Variants in AGXT observed in about 807,000 individuals in gnomAD.
The protein encoded by AGXT is L-alanine: glyoxylate aminotransferase 1.
A neutral mutation model predicts 46.9 loss-of-function variants in AGXT; 41 were observed. That is an observed-to-expected ratio of 0.88 (90% CI 0.68 to 1.14). The LOEUF (loss-of-function observed/expected upper bound fraction) is 1.14. Ranked by LOEUF, AGXT falls within the 50% of genes most tolerant of loss-of-function variation. The probability of loss-of-function intolerance (pLI) is 0.00; values close to 1 mark genes in which losing one functional copy is unlikely to be tolerated. For missense variants in AGXT, 525 were observed against 522.7 expected, an observed-to-expected ratio of 1.00 and a Z score of -0.04; for synonymous variants, 244 against 227.9, an observed-to-expected ratio of 1.07 and a Z score of -0.64.
chr2:240,878,921 G>A lies in AGXT; in HGVS notation c.*100G>A, dbSNP rs1158349064. ...ACCCTGCAAGGTCCTCCAGGCCTGG[G>A]GACAGGAAAGCCACTGACCCAGCCC... On this transcript the variant is annotated 3_prime_UTR_variant, in exon 11 of 11. Coordinates refer to ENST00000307503, the MANE Select transcript of AGXT (RefSeq NM_000030.3). 2 of 1,273,262 alleles carry A rather than the reference G, an allele frequency of 1.6e-6. No individual in the cohort carries two copies. The highest frequency in any genetic ancestry group is 2.2e-6 in the Non-Finnish European group (2 of 906,240). 78.9% of individuals were successfully genotyped at this position (1,273,262 alleles called of 1,614,324 possible).
rs759057157 is a variant in AGXT, at chr2:240,869,341, G to A, written c.337G>A (p.Val113Met). ...GANGIWGQRA[V>M]DIGERIGARV... The stretch of plus-strand genomic sequence containing the variant: ...CAATGGCATTTGGGGGCAGCGAGCC[G>A]TGGACATCGGGGAGCGCATAGGTAA... Residue 113 changes from valine to methionine, a missense_variant, in exon 2 of 11, where the codon GTG (valine) becomes ATG (methionine). By Grantham distance (21) the Val-to-Met change is conservative. Transcript: ENST00000307503. 2.6e-5 allele frequency: 42 copies of A among 1,602,774 alleles called. No individual in the cohort carries two copies. The highest frequency in any genetic ancestry group is 3.2e-5 in the Non-Finnish European group (37 of 1,173,484).
chr2:240,878,517 A>T (rs2059040491), intron 10 of AGXT, among the ~76,000 whole-genome samples, 197 bp from the exon 11 acceptor site: 1 of 152,168 alleles, frequency 6.6e-6, no homozygotes, highest in Admixed American at 6.5e-5. Context: ...CTGCGGGTGC[A>T]GAGGGAGGAG....
Position 240,872,763 on chromosome 2 carries a change from G to A in AGXT, c.525-216G>A, listed in dbSNP as rs80207707. 0.12 allele frequency among the ~76,000 whole-genome samples: 18,604 copies of A among 152,020 alleles called. 1,309 individuals are homozygous for A. Among genetic ancestry groups the A allele is most frequent in the African/African-American group, 0.2 (8,161 of 41,420 alleles). ...CTCCCTCACTCCCCCAGCTCCCTCT[G>A]CTCCAATGTTCAGGGCTGAGAAAGG... On this transcript the variant is annotated intron_variant, in intron 4 of 10. Transcript: ENST00000307503.
In AGXT at chr2:240,879,812, A is replaced by C. The variant is rs2059048702; in HGVS notation, c.*991A>C. ...AGCGTGAGCCACTGTGCCCAGCCAT[A>C]GTTGAATTTCATGGTCAGTGGAACA... On this transcript the variant is annotated 3_prime_UTR_variant, in exon 11 of 11. Transcript: ENST00000307503. 1 of 152,238 alleles carries C rather than the reference A, an allele frequency of 6.6e-6. No homozygotes were observed. The highest frequency in any genetic ancestry group is 2.4e-5 in the African/African-American group (1 of 41,442). 9.4% of individuals were successfully genotyped at this position (152,238 alleles called of 1,614,324 possible).
chr2:240,878,501 G>A lies in AGXT; in HGVS notation c.1072-213G>A, dbSNP rs1039627774. Among the ~76,000 whole-genome samples the A allele has an allele frequency of 7.9e-5, 12 of 152,196 alleles. No homozygotes were observed. The East Asian group carries it at 9.6e-4, about 12-fold the overall frequency. On this transcript the variant is annotated intron_variant, in intron 10 of 10. Transcript: ENST00000307503. ...CTTCACTGCACCACCCTGTCCTCCC[G>A]TGTGGCTGCGGGTGCAGAGGGAGGA...
intron 5 of AGXT, 75 bp from the exon 6 acceptor site, chr2:240,873,903 C>G: frequency 7.5e-7 from 1 of 1,333,448 alleles, no homozygotes; most frequent in Non-Finnish European, 1.1e-6. Flanking sequence ...AGCCCATTAG[C>G]TAGGCAGGCA....
chr2:240,873,267 G>T, intron 5 of AGXT: 1 of 567,864 alleles, frequency 1.8e-6, no homozygotes, highest in South Asian at 2.1e-5. Flanking sequence ...TCCAGGCGTG[G>T]GGACTGGCAG....
chr2:240,875,308 C>T, intron 7 of AGXT, 104 bp downstream of exon 7: 2 of 1,009,774 alleles, frequency 2.0e-6, no homozygotes, highest in Non-Finnish European at 3.0e-6. Flanking sequence ...CCCCCACCTT[C>T]ATGCCTCAAG....
intron 5 of AGXT, 174 bp downstream of exon 5, chr2:240,873,223 C>T (rs1052238069): frequency 3.3e-6 from 2 of 606,766 alleles, no homozygotes; most frequent in Non-Finnish European, 5.9e-6. Context: ...CCATGAACTA[C>T]CCAGCACCCC....
intron 8 of AGXT, 97 bp from the exon 9 acceptor site, chr2:240,877,440 G>A (rs767361694): frequency 8.3e-7 from 1 of 1,211,134 alleles, no homozygotes; most frequent in African/African-American, 1.5e-5. Flanking sequence ...CTGCACCAAG[G>A]CCTGCAGAGT....
Position 240,869,034 on chromosome 2 carries a change from G to A in AGXT, c.165+4G>A, listed in dbSNP as rs752991520. ...CATGAGCAAGGATATGTACCAGGTA[G>A]GAGTGGGGGTCACTCGGGGGGCCTG... On this transcript the variant is annotated splice_donor_region_variant and intron_variant, in intron 1 of 10. Transcript: ENST00000307503. 3.0e-6 allele frequency: 4 copies of A among 1,340,348 alleles called. No individual in the cohort carries two copies. The South Asian group carries it at 5.0e-5, about 17-fold the overall frequency. 83.0% of individuals were successfully genotyped at this position (1,340,348 alleles called of 1,614,324 possible). A position where few individuals can be genotyped will look rare whatever the true frequency, so the allele number is the denominator to read the frequency against.
At chr2:240,869,874 GT>G (rs370367159) in intron 2 of AGXT, among the ~76,000 whole-genome samples, 4 of 152,178 alleles carry the variant, frequency 2.6e-5, no homozygotes, top group African/African-American at 9.7e-5. Context: ...TGTGCCCTGG[GT>G]TTAATGATTG....
intron 10 of AGXT, 60 bp from the exon 11 acceptor site, chr2:240,878,654 G>T: frequency 6.7e-7 from 1 of 1,488,390 alleles, no homozygotes. Context: ...GCCAGCTGTC[G>T]GTCAGGGTCA....
intron 6 of AGXT, 54 bp from the exon 7 acceptor site, chr2:240,875,055 T>C: frequency 6.7e-7 from 1 of 1,487,482 alleles, no homozygotes; most frequent in Non-Finnish European, 9.4e-7. Context: ...GAGACTGCCC[T>C]GGCCTTCAGC....
Position 240,879,236 on chromosome 2 carries a change from C to T in AGXT, c.*415C>T. 3.6e-6 allele frequency: 1 copy of T among 274,296 alleles called. No homozygotes were observed. The highest frequency in any genetic ancestry group is 1.0e-4 in the East Asian group (1 of 9,544). 17.0% of individuals were successfully genotyped at this position (274,296 alleles called of 1,614,324 possible). On this transcript the variant is annotated 3_prime_UTR_variant, in exon 11 of 11. Coordinates refer to ENST00000307503, the MANE Select transcript of AGXT (RefSeq NM_000030.3). ...TGGAGCCCACAGGGTAGATCCTCCC[C>T]TGGAGGAGGTGCTGTCACCACACTC...
intron 8 of AGXT, among the ~76,000 whole-genome samples, chr2:240,876,522 C>A (rs922547788): frequency 3.5e-4 from 54 of 152,312 alleles, no homozygotes; most frequent in African/African-American, 1.3e-3. Flanking sequence ...AGAGTGGCCT[C>A]AGGCCCAGCA....
At position 240,879,360 on chromosome 2, in the gene AGXT, G is replaced by A. The variant is rs74000073; in HGVS notation, c.*539G>A. On this transcript the variant is annotated 3_prime_UTR_variant, in exon 11 of 11. Coordinates refer to ENST00000307503, the MANE Select transcript of AGXT (RefSeq NM_000030.3). ...GTTGGAGACCCCTGTCATGGACAAG[G>A]GTACCTGCGTGCTGGAGAGCGCACA... The A allele has an allele frequency of 0.025, 4,567 of 183,458 alleles. 199 individuals carry two copies. The highest frequency in any genetic ancestry group is 0.1 in the African/African-American group (4,265 of 42,140). The allele number at this position is 183,458 out of a possible 1,614,324, so 11.4% of individuals were successfully genotyped here. A position where few individuals can be genotyped will look rare whatever the true frequency, so the allele number is the denominator to read the frequency against.
chr2:240,876,055 CG>C, intron 8 of AGXT, 51 bp downstream of exon 8: 1 of 1,593,308 alleles, frequency 6.3e-7, no homozygotes, highest in Non-Finnish European at 8.6e-7. Flanking sequence ...GCTGGATTGT[CG>C]AGGGCGCGGC....
At chr2:240,877,474 G>A (rs2059032039) in intron 8 of AGXT, 63 bp from the exon 9 acceptor site, 1 of 1,424,612 alleles carries the variant, frequency 7.0e-7, no homozygotes, top group African/African-American at 1.4e-5. Flanking sequence ...CCGCACCACA[G>A]AGGGCGGGGC....
Sources: allele counts gnomAD v4.1 joint callset (sites outside exome capture counted in the v4.1 genomes callset), GRCh38; gene constraint gnomAD v4.1.1; transcripts MANE v1.5; gene names NCBI Gene and HGNC (gene_info 2026-07-23, HGNC 2026-07-21).